The following FOXP2 variants were observed in gnomAD, a reference collection of about 807,000 sequenced individuals.
The protein encoded by FOXP2 is forkhead box P2, also known as forkhead box protein P2.
FOXP2 carries 12 observed loss-of-function variants against 115.8 expected under a neutral mutation model. The observed-to-expected ratio is 0.10, with a 90% CI of 0.07 to 0.17. FOXP2 has a LOEUF of 0.17. FOXP2 is among the 10% of genes least tolerant of loss of function. The probability of loss-of-function intolerance (pLI) is 1.00; values close to 1 mark genes in which losing one functional copy is unlikely to be tolerated. For missense variants in FOXP2, 629 were observed against 843.5 expected (o/e 0.75, Z 3.15); for synonymous variants, 328 against 297.7 (o/e 1.10, Z -1.05).
At chr7:114,506,876 A>G (rs575922569) in intron 2 of FOXP2, among the ~76,000 whole-genome samples, 14 of 151,918 alleles carry the variant, frequency 9.2e-5, no homozygotes, top group African/African-American at 3.1e-4. Flanking sequence ...GAGGAGATAT[A>G]TAAGCTATAA....
intron 1 of FOXP2, among the ~76,000 whole-genome samples, chr7:114,132,793 T>C (rs1791927556): frequency 6.6e-6 from 1 of 152,070 alleles, no homozygotes; most frequent in Non-Finnish European, 1.5e-5. Flanking sequence ...AGCAGGCCAG[T>C]ACAGCTGGTA....
At chr7:114,253,575 T>A (rs1316075143) in intron 1 of FOXP2, among the ~76,000 whole-genome samples, 2 of 152,204 alleles carry the variant, frequency 1.3e-5, no homozygotes, top group Non-Finnish European at 2.9e-5. Context: ...TTGATCTTTG[T>A]TGGTTTAAAG....
At chr7:114,413,687 G>T (rs530413378), upstream of FOXP2, among the ~76,000 whole-genome samples, 1 of 152,162 alleles carries the variant, frequency 6.6e-6, no homozygotes, top group African/African-American at 2.4e-5. Context: ...CAAAATGTCT[G>T]TATTAAAGGC....
chr7:114,544,378 T>C (rs1333352874), intron 3 of FOXP2, among the ~76,000 whole-genome samples: 2 of 152,192 alleles, frequency 1.3e-5, no homozygotes, highest in Admixed American at 6.5e-5. Flanking sequence ...CATCAAGCTG[T>C]GGCTAAAGTT....
chr7:114,285,315 A>T (rs760986292), intron 1 of FOXP2: 6 of 152,184 alleles, frequency 3.9e-5, no homozygotes, highest in Non-Finnish European at 8.8e-5. Flanking sequence ...TTTTCTCACT[A>T]CCTACTTCAG....
At chr7:114,140,332 A>G (rs966537920) in intron 1 of FOXP2, among the ~76,000 whole-genome samples, 1 of 152,176 alleles carries the variant, frequency 6.6e-6, no homozygotes, top group African/African-American at 2.4e-5. Flanking sequence ...GCTAATAGGC[A>G]GAGACAAATA....
At chr7:114,559,501 G>T (rs1190930903) in intron 3 of FOXP2, among the ~76,000 whole-genome samples, 2 of 152,190 alleles carry the variant, frequency 1.3e-5, no homozygotes, top group African/African-American at 4.8e-5. Flanking sequence ...AAGTGAAAAA[G>T]AAGGGGATTG....
At chr7:114,612,387 A>AAATACG in intron 3 of FOXP2, among the ~76,000 whole-genome samples, 1 of 152,052 alleles carries the variant, frequency 6.6e-6, no homozygotes, top group African/African-American at 2.4e-5. Flanking sequence ...ACACACACAC[A>AAATACG]TATATGTATA....
intron 1 of FOXP2, among the ~76,000 whole-genome samples, chr7:114,240,884 T>C (rs1795134643): frequency 6.6e-6 from 1 of 152,038 alleles, no homozygotes; most frequent in Non-Finnish European, 1.5e-5. Flanking sequence ...CATTTTAATA[T>C]TTGTTTTCTT....
intron 11 of FOXP2, 122 bp from the exon 12 acceptor site, chr7:114,659,234 G>A (rs999712772): frequency 2.2e-5 from 16 of 738,388 alleles, no homozygotes; most frequent in Non-Finnish European, 3.1e-5. Flanking sequence ...CATGCTTTGT[G>A]CTTTCACTAG....
At chr7:114,506,933 A>C (rs1394832739) in intron 2 of FOXP2, among the ~76,000 whole-genome samples, 1 of 151,714 alleles carries the variant, frequency 6.6e-6, no homozygotes, top group Non-Finnish European at 1.5e-5. Context: ...TGTAGGAGTA[A>C]ATGTCTTCGT....
At chr7:114,431,820 A>G (rs1291085643) in intron 2 of FOXP2, among the ~76,000 whole-genome samples, 5 of 151,940 alleles carry the variant, frequency 3.3e-5, no homozygotes, top group Non-Finnish European at 7.4e-5. Flanking sequence ...ATATAATGTG[A>G]AATGGTGGAA....
At chr7:114,329,126 C>T (rs1046802098) in intron 2 of FOXP2, among the ~76,000 whole-genome samples, 7 of 152,152 alleles carry the variant, frequency 4.6e-5, no homozygotes, top group African/African-American at 1.7e-4. Context: ...TGATTGAATG[C>T]TGTTTGCCTT....
intron 10 of FOXP2, among the ~76,000 whole-genome samples, chr7:114,654,333 A>G (rs1215932094): frequency 1.3e-5 from 2 of 152,174 alleles, no homozygotes; most frequent in African/African-American, 4.8e-5. Context: ...TCTTTGAGCA[A>G]CCTGAAAAGT....
At chr7:114,646,095 A>G (rs985171706) in intron 8 of FOXP2, among the ~76,000 whole-genome samples, 1 of 151,018 alleles carries the variant, frequency 6.6e-6, no homozygotes, top group African/African-American at 2.4e-5. Context: ...GTTAAAGCAA[A>G]GAAAGAACAT....
At chr7:114,674,174 C>T (rs919572258) in intron 16 of FOXP2, among the ~76,000 whole-genome samples, 14 of 152,140 alleles carry the variant, frequency 9.2e-5, no homozygotes, top group African/African-American at 3.4e-4. Context: ...ATGTAAGTGG[C>T]TGTAGTTTTT....
At chr7:114,553,024 C>T (rs1020949346) in intron 3 of FOXP2, among the ~76,000 whole-genome samples, 1 of 151,920 alleles carries the variant, frequency 6.6e-6, no homozygotes. Flanking sequence ...CAGTATTTCC[C>T]TAGTATGTTT....
chr7:114,368,056 C>G (rs1791922081), intron 2 of FOXP2, among the ~76,000 whole-genome samples: 1 of 152,122 alleles, frequency 6.6e-6, no homozygotes. Flanking sequence ...GTTAGTAAAA[C>G]AGCTGTCTGA....
intron 7 of FOXP2, among the ~76,000 whole-genome samples, chr7:114,643,107 G>A (rs1805673648): frequency 6.6e-6 from 1 of 151,622 alleles, no homozygotes; most frequent in Non-Finnish European, 1.5e-5. Flanking sequence ...CACCGTGCCC[G>A]GCCTATATTC....
Sources: allele counts gnomAD v4.1 joint callset (sites outside exome capture counted in the v4.1 genomes callset), GRCh38; gene constraint gnomAD v4.1.1; transcripts MANE v1.5; gene names NCBI Gene and HGNC (gene_info 2026-07-23, HGNC 2026-07-21).